PLCE1: variants seen among roughly 807,000 people sequenced by gnomAD.
PLCE1 encodes phospholipase C epsilon 1.
PLCE1 carries 119 observed loss-of-function variants against 242.8 expected under a neutral mutation model. The observed-to-expected ratio is 0.49, with a 90% CI of 0.42 to 0.57. The LOEUF (loss-of-function observed/expected upper bound fraction) is 0.57. PLCE1 is among the 20% of genes least tolerant of loss of function. PLCE1 has a pLI of 0.00. For missense variants in PLCE1, 2,441 were observed against 2,788.8 expected (o/e 0.88, Z 2.81); for synonymous variants, 945 against 1,017.4 (o/e 0.93, Z 1.35).
intron 2 of PLCE1, among the ~76,000 whole-genome samples, chr10:94,035,213 G>A (rs112939602): frequency 1.0e-3 from 153 of 152,292 alleles, no homozygotes; most frequent in African/African-American, 3.2e-3. Context: ...GAGCACAATC[G>A]AAATTTAAAT....
At chr10:94,112,561 C>T (rs2045987290) in intron 2 of PLCE1, among the ~76,000 whole-genome samples, 1 of 152,170 alleles carries the variant, frequency 6.6e-6, no homozygotes, top group African/African-American at 2.4e-5. Flanking sequence ...TCCATTGGAA[C>T]AAGAGTTCCC....
chr10:94,155,291 T>G (rs1052366463), intron 3 of PLCE1, among the ~76,000 whole-genome samples: 3 of 152,226 alleles, frequency 2.0e-5, no homozygotes, highest in African/African-American at 7.2e-5. Flanking sequence ...GGAATATTAT[T>G]CAGTTATTAA....
At chr10:94,282,987 C>T (rs2052297866) in intron 20 of PLCE1, among the ~76,000 whole-genome samples, 1 of 152,020 alleles carries the variant, frequency 6.6e-6, no homozygotes, top group South Asian at 2.1e-4. Flanking sequence ...CCTGCATGGC[C>T]CTGATTTGGT....
Position 94,001,957 on chromosome 10 carries a change from T to C in PLCE1, c.-365+7699T>C, listed in dbSNP as rs540692259. The stretch of plus-strand genomic sequence containing the variant: ...ATGACAGAGCAGAGCTTGAGCAGTT[T>C]GGTTAACTGTCGGGGTCTGAGTGGA... On this transcript the variant is annotated intron_variant, in intron 1 of 32. Coordinates refer to ENST00000371380, the MANE Select transcript of PLCE1 (RefSeq NM_016341.4). Among the ~76,000 whole-genome samples the C allele has an allele frequency of 8.7e-4, 133 of 152,344 alleles. 3 individuals carry two copies. Among genetic ancestry groups the C allele is most frequent in the African/African-American group, 3.0e-3 (126 of 41,586 alleles).
intron 2 of PLCE1, among the ~76,000 whole-genome samples, chr10:94,087,286 G>C (rs1472198418): frequency 6.7e-6 from 1 of 149,052 alleles, no homozygotes; most frequent in Admixed American, 6.7e-5. Context: ...GGAGATCGAG[G>C]CTGCAGTGAG....
chr10:94,022,533 G>C (rs1022759445), intron 1 of PLCE1, among the ~76,000 whole-genome samples: 1 of 151,974 alleles, frequency 6.6e-6, no homozygotes, highest in African/African-American at 2.4e-5. Context: ...ACTAGCACTG[G>C]CTAACTATAT....
intron 2 of PLCE1, among the ~76,000 whole-genome samples, chr10:94,045,201 G>T: frequency 6.6e-6 from 1 of 152,030 alleles, no homozygotes; most frequent in East Asian, 1.9e-4. Context: ...ACTGGGTCTT[G>T]TTTTGTTGCC....
rs551842820 is a variant in PLCE1, at chr10:94,262,029, C to G, written c.3815-465C>G. 1.1e-4 allele frequency among the ~76,000 whole-genome samples: 16 copies of G among 146,244 alleles called. No individual in the cohort carries two copies. The South Asian group carries it at 3.3e-3, about 30-fold the overall frequency. ...TTTTTTTTTTTTTTTGAGACAGACT[C>G]TCACTCTGTTGCCCAGGCTAGAGTG... On this transcript the variant is annotated intron_variant, in intron 13 of 32. Coordinates refer to ENST00000371380, the MANE Select transcript of PLCE1 (RefSeq NM_016341.4).
At chr10:94,105,953 C>T (rs984151311) in intron 2 of PLCE1, 1 of 152,140 alleles carries the variant, frequency 6.6e-6, no homozygotes, top group South Asian at 2.1e-4. Context: ...ACACAACAAA[C>T]CTATAAGGTT....
At chr10:94,117,231 G>A (rs562923933) in intron 2 of PLCE1, among the ~76,000 whole-genome samples, 1 of 152,278 alleles carries the variant, frequency 6.6e-6, no homozygotes, top group Admixed American at 6.5e-5. Flanking sequence ...GTGAATAAAA[G>A]GTGACCCGAC....
intron 4 of PLCE1, among the ~76,000 whole-genome samples, chr10:94,198,967 G>A (rs543144681): frequency 2.6e-5 from 4 of 152,222 alleles, no homozygotes; most frequent in South Asian, 4.1e-4. Flanking sequence ...TAGGAGGATC[G>A]CTTGAGCCCA....
intron 26 of PLCE1, among the ~76,000 whole-genome samples, chr10:94,307,943 AAC>A (rs902536041): frequency 5.9e-5 from 9 of 152,158 alleles, no homozygotes; most frequent in African/African-American, 1.9e-4. Context: ...CCATCTCTCC[AAC>A]ACAGTCACTC....
At chr10:94,142,302 A>C (rs2046995879) in intron 3 of PLCE1, among the ~76,000 whole-genome samples, 1 of 145,974 alleles carries the variant, frequency 6.9e-6, no homozygotes, top group African/African-American at 2.5e-5. Flanking sequence ...AGATCACGTT[A>C]GGCCAGGAGT....
chr10:94,246,441 G>A lies in PLCE1; in HGVS notation c.2916G>A (p.Val972=). Residue 972 remains valine (V), a synonymous_variant, in exon 8 of 33, where the codon GTG becomes GTA. Coordinates refer to ENST00000371380, the MANE Select transcript of PLCE1 (RefSeq NM_016341.4). Reference sequence around the variant, plus strand: ...GCATGTTCCTGTCAGAGACTGGTGTGACATTGCTCTATGGGCTTCAGACCA... The same window carrying A: ...GCATGTTCCTGTCAGAGACTGGTGTAACATTGCTCTATGGGCTTCAGACCA... The part of the protein sequence containing the change: ...LGSMFLSETG[V]TLLYGLQTTD... The A allele has an allele frequency of 6.2e-7, 1 of 1,614,174 alleles. No individual in the cohort carries two copies. Among genetic ancestry groups the A allele is most frequent in the Admixed American group, 1.7e-5 (1 of 60,030 alleles).
Position 94,234,184 on chromosome 10 carries a change from C to T in PLCE1, c.2086C>T (p.His696Tyr). 1 of 1,614,158 alleles carries T rather than the reference C, an allele frequency of 6.2e-7. No homozygotes were observed. Among genetic ancestry groups the T allele is most frequent in the Non-Finnish European group, 8.5e-7 (1 of 1,179,992 alleles). ...EYRKVVTRAL[H>Y]IPGCKVVPFC... ...CAGAAAGGTGGTGACACGTGCCCTG[C>T]ACATCCCTGGCTGTAAGGTGGTTCC... Residue 696 changes from histidine to tyrosine, a missense_variant, in exon 6 of 33, where the codon CAC becomes TAC. Physicochemically the swap from His to Tyr is moderately conservative, Grantham distance 83. Around this residue, in one of 5 missense-constraint regions of PLCE1, gnomAD observed 733 missense variants for 754.2 expected, o/e 0.97. Coordinates refer to ENST00000371380, the MANE Select transcript of PLCE1 (RefSeq NM_016341.4).
intron 2 of PLCE1, among the ~76,000 whole-genome samples, chr10:94,087,697 C>T (rs1352636939): frequency 1.3e-5 from 2 of 152,180 alleles, no homozygotes; most frequent in Non-Finnish European, 2.9e-5. Flanking sequence ...CCCACTTCGT[C>T]CTCCCAAAGT....
intron 4 of PLCE1, among the ~76,000 whole-genome samples, chr10:94,184,527 A>G (rs1243497864): frequency 1.3e-5 from 2 of 152,010 alleles, no homozygotes; most frequent in Non-Finnish European, 2.9e-5. Flanking sequence ...ACAGGCTTTC[A>G]CTATGTTGGC....
At chr10:94,231,455 T>A (rs2211449) in intron 5 of PLCE1, among the ~76,000 whole-genome samples, 1 of 152,302 alleles carries the variant, frequency 6.6e-6, no homozygotes, top group East Asian at 1.9e-4. Flanking sequence ...AGCTTCCAAC[T>A]AGCTCTCCCT....
chr10:94,262,138 C>T (rs2051323927), intron 13 of PLCE1, among the ~76,000 whole-genome samples: 1 of 151,572 alleles, frequency 6.6e-6, no homozygotes, highest in Non-Finnish European at 1.5e-5. Context: ...GTGGCTGGGA[C>T]TACAGGTGCA....
Sources: gnomAD v4.1 joint callset for allele counts (sites outside exome capture counted in the v4.1 genomes callset) on GRCh38, gnomAD v4.1.1 for gene constraint, gnomAD v4.1.1 regional missense constraint, MANE v1.5 for transcripts, NCBI Gene and HGNC (gene_info 2026-07-23, HGNC 2026-07-21) for gene names.